Variants in ADCY5 observed in about 807,000 individuals in gnomAD.
ADCY5 encodes the protein adenylate cyclase type 5.
Under a neutral mutation model 119.7 loss-of-function variants are expected in ADCY5, and 30 were observed. The ratio of observed to expected loss-of-function variants is 0.25; its 90% CI spans 0.19 to 0.34. The LOEUF (loss-of-function observed/expected upper bound fraction) is 0.34, where lower values mean the gene tolerates loss of function less well. Ranked by LOEUF, ADCY5 falls within the 10% of genes least tolerant of loss-of-function variation. ADCY5 has a pLI of 1.00. For missense variants in ADCY5, 1,324 were observed against 1,775.2 expected (o/e 0.75, Z 4.57); for synonymous variants, 753 against 762.2 (o/e 0.99, Z 0.20).
chr3:123,407,300 A>G (rs1576674652), intron 1 of ADCY5, among the ~76,000 whole-genome samples: 1 of 152,192 alleles, frequency 6.6e-6, no homozygotes, highest in Non-Finnish European at 1.5e-5. Context: ...CATGCATCAC[A>G]CTTCAGCAAC....
chr3:123,300,992 CA>C lies in ADCY5; in HGVS notation c.2725-698del, dbSNP rs142846914. On this transcript the variant is annotated intron_variant, in intron 14 of 20. Coordinates refer to ENST00000462833, the MANE Select transcript of ADCY5 (RefSeq NM_183357.3). ...CTGAAGACCAAAATATATGGGGCTC[CA>C]AAGGTTTCAGAGGAGGGATCGTGCC... Among the ~76,000 whole-genome samples the C allele has an allele frequency of 2.1e-4, 32 of 152,146 alleles. No homozygotes were observed. The East Asian group carries it at 5.6e-3, about 27-fold the overall frequency.
At chr3:123,289,314 T>C (rs1271366051) in intron 19 of ADCY5, among the ~76,000 whole-genome samples, 1 of 152,230 alleles carries the variant, frequency 6.6e-6, no homozygotes, top group Non-Finnish European at 1.5e-5. Context: ...TACTTTTAAA[T>C]AAAACAACGC....
intron 1 of ADCY5, among the ~76,000 whole-genome samples, chr3:123,440,214 C>G (rs1474698045): frequency 6.6e-6 from 1 of 152,144 alleles, no homozygotes; most frequent in Non-Finnish European, 1.5e-5. Flanking sequence ...TCAGGATTCC[C>G]TCCAAAAGAC....
intron 8 of ADCY5, among the ~76,000 whole-genome samples, chr3:123,324,042 A>C (rs2108364976): frequency 6.6e-6 from 1 of 152,152 alleles, no homozygotes; most frequent in East Asian, 1.9e-4. Flanking sequence ...TGGACATTCA[A>C]GTTTGGAGCC....
chr3:123,408,358 T>G (rs2107619641), intron 1 of ADCY5, among the ~76,000 whole-genome samples: 1 of 151,988 alleles, frequency 6.6e-6, no homozygotes, highest in African/African-American at 2.4e-5. Flanking sequence ...TTTTTTTTTT[T>G]TTTTAAAGGC....
intron 1 of ADCY5, among the ~76,000 whole-genome samples, chr3:123,441,636 C>T (rs951222395): frequency 1.3e-5 from 2 of 152,206 alleles, no homozygotes; most frequent in African/African-American, 2.4e-5. Context: ...TTGCCCTTCG[C>T]GTTAGGTTTT....
intron 3 of ADCY5, among the ~76,000 whole-genome samples, chr3:123,338,117 C>T (rs1452599212): frequency 6.6e-6 from 1 of 151,694 alleles, no homozygotes; most frequent in African/African-American, 2.4e-5. Flanking sequence ...TGAGGAGCTC[C>T]ACGTGCCTTT....
intron 1 of ADCY5, among the ~76,000 whole-genome samples, chr3:123,401,500 T>C (rs573502297): frequency 2.6e-5 from 4 of 152,162 alleles, no homozygotes; most frequent in Admixed American, 6.5e-5. Context: ...GGAGCCCACA[T>C]AGTGGCTGGA....
chr3:123,300,774 A>G (rs1939802200), intron 14 of ADCY5, among the ~76,000 whole-genome samples: 1 of 152,206 alleles, frequency 6.6e-6, no homozygotes, highest in Admixed American at 6.5e-5. Context: ...ATGTGTTTTC[A>G]TGACTCCTGT....
At chr3:123,313,934 C>T (rs1940735714) in intron 12 of ADCY5, among the ~76,000 whole-genome samples, 1 of 152,204 alleles carries the variant, frequency 6.6e-6, no homozygotes, top group African/African-American at 2.4e-5. Context: ...TGCTCGGTGC[C>T]CTTCCTTCCT....
At chr3:123,356,653 GTTAAA>G (rs1162086094) in intron 1 of ADCY5, among the ~76,000 whole-genome samples, 1 of 152,136 alleles carries the variant, frequency 6.6e-6, no homozygotes, top group Non-Finnish European at 1.5e-5. Context: ...AATGGCTGAA[GTTAAA>G]TTAGATTAAA....
rs532426791 is a variant in ADCY5, at chr3:123,325,452, T to G, written c.1958A>C (p.Lys653Thr). The change falls in exon 8 of 21, where the codon AAG (lysine) becomes ACG (threonine). Residue 653 changes from lysine to threonine, a missense_variant. By Grantham distance (78) the Lys-to-Thr change is moderately conservative. Transcript: ENST00000462833. ...LRCTQKRKEE[K>T]AMIAKMNRQR... ...GCGGTTCATCTTGGCGATCATGGCCTTCTCTTCTTTCTGGAAGACGAACAC... is the reference window on the plus strand; with the variant it reads ...GCGGTTCATCTTGGCGATCATGGCCGTCTCTTCTTTCTGGAAGACGAACAC... The G allele has an allele frequency of 6.2e-7, 1 of 1,613,976 alleles. No individual in the cohort carries two copies. The highest frequency in any genetic ancestry group is 2.2e-5 in the East Asian group (1 of 44,862).
At chr3:123,375,631 T>C (rs1943800758) in intron 1 of ADCY5, among the ~76,000 whole-genome samples, 1 of 152,242 alleles carries the variant, frequency 6.6e-6, no homozygotes, top group Non-Finnish European at 1.5e-5. Flanking sequence ...CCAAGAATGC[T>C]CGAGGGGTCA....
At chr3:123,361,324 T>C (rs1017927493) in intron 1 of ADCY5, among the ~76,000 whole-genome samples, 2 of 152,222 alleles carry the variant, frequency 1.3e-5, no homozygotes, top group African/African-American at 4.8e-5. Context: ...TTATTTTTTA[T>C]GGAGATACAA....
At chr3:123,308,537 T>G (rs1360655487) in intron 12 of ADCY5, among the ~76,000 whole-genome samples, 1 of 152,024 alleles carries the variant, frequency 6.6e-6, no homozygotes, top group African/African-American at 2.4e-5. Flanking sequence ...AGTTTGGATC[T>G]TAAAACTCTT....
chr3:123,367,686 A>T (rs1211289579), intron 1 of ADCY5, among the ~76,000 whole-genome samples: 1 of 152,066 alleles, frequency 6.6e-6, no homozygotes, highest in African/African-American at 2.4e-5. Flanking sequence ...GGCGGGAAGA[A>T]GGAGCCCACC....
At chr3:123,407,284 C>G (rs1944925473) in intron 1 of ADCY5, among the ~76,000 whole-genome samples, 1 of 152,182 alleles carries the variant, frequency 6.6e-6, no homozygotes, top group Non-Finnish European at 1.5e-5. Flanking sequence ...GCCCTCTCTT[C>G]TTAAACATGC....
intron 14 of ADCY5, among the ~76,000 whole-genome samples, chr3:123,301,482 C>A (rs1461478637): frequency 6.6e-6 from 1 of 152,230 alleles, no homozygotes; most frequent in African/African-American, 2.4e-5. Context: ...GCTCCAAAAG[C>A]CAGCTTGGAT....
chr3:123,310,516 G>A (rs1940507731), intron 12 of ADCY5, among the ~76,000 whole-genome samples: 1 of 152,192 alleles, frequency 6.6e-6, no homozygotes, highest in Non-Finnish European at 1.5e-5. Flanking sequence ...CCAGCCTCAG[G>A]TAGGTGGCTG....
Sources: gnomAD v4.1 joint callset for allele counts (sites outside exome capture counted in the v4.1 genomes callset) on GRCh38, gnomAD v4.1.1 for gene constraint, MANE v1.5 for transcripts, NCBI Gene and HGNC (gene_info 2026-07-23, HGNC 2026-07-21) for gene names.